GALNT5: variants seen among roughly 807,000 people sequenced by gnomAD.
The protein encoded by GALNT5 is UDP-GalNAc:polypeptide N-acetylgalactosaminyltransferase 5.
Under a neutral mutation model 85.4 loss-of-function variants are expected in GALNT5, and 72 were observed. The observed-to-expected ratio is 0.84, with a 90% confidence interval of 0.70 to 1.03. The LOEUF is 1.03. Ranked by LOEUF, GALNT5 falls within the 50% of genes least tolerant of loss-of-function variation. GALNT5 has a pLI of 0.00. For missense variants in GALNT5, 1,137 were observed against 1,135.5 expected (o/e 1.00, Z -0.02); for synonymous variants, 404 against 397.0 (o/e 1.02, Z -0.21).
At chr2:157,279,023 T>C (rs561790302) in intron 1 of GALNT5, among the ~76,000 whole-genome samples, 1 of 152,232 alleles carries the variant, frequency 6.6e-6, no homozygotes, top group Admixed American at 6.5e-5. Flanking sequence ...TTTTTGTTGA[T>C]GTTGATGCTA....
intron 1 of GALNT5, among the ~76,000 whole-genome samples, chr2:157,278,756 A>T (rs1197818393): frequency 6.6e-6 from 1 of 152,064 alleles, no homozygotes; most frequent in Non-Finnish European, 1.5e-5. Context: ...TGATGGGTTT[A>T]AACATGCTCC....
intron 1 of GALNT5, among the ~76,000 whole-genome samples, chr2:157,276,165 T>C (rs1558893459): frequency 6.6e-6 from 1 of 152,236 alleles, no homozygotes; most frequent in Non-Finnish European, 1.5e-5. Flanking sequence ...ATCCCAGGGA[T>C]GAAACCAACT....
chr2:157,290,103 A>ATG (rs1683065083), intron 3 of GALNT5, among the ~76,000 whole-genome samples: 1 of 145,504 alleles, frequency 6.9e-6, no homozygotes, highest in African/African-American at 2.7e-5. Flanking sequence ...ATATATATAT[A>ATG]TATATATATA....
Position 157,314,211 on chromosome 2 carries a change from T to TTAA in GALNT5, c.*2863_*2864insTAA, listed in dbSNP as rs1210174111. On this transcript the variant is annotated 3_prime_UTR_variant, in exon 10 of 10. Transcript: ENST00000259056. The stretch of plus-strand genomic sequence containing the variant: ...TTAGCTTAGGTCATTGCCTTTACTT[T>TTAA]AAAAAAAAAAAAAAAAAGTCTATGC... 7.7e-4 allele frequency: 105 copies of TTAA among 136,976 alleles called. No homozygotes were observed. Among genetic ancestry groups the TTAA allele is most frequent in the African/African-American group, 2.4e-3 (92 of 37,562 alleles). 8.5% of individuals were successfully genotyped at this position (136,976 alleles called of 1,614,324 possible).
At position 157,270,105 on chromosome 2, in the gene GALNT5, A is replaced by C. The variant is rs183819631; in HGVS notation, c.1454+10569A>C. Among the ~76,000 whole-genome samples the C allele has an allele frequency of 4.6e-5, 7 of 152,078 alleles. No homozygotes were observed. In the East Asian group the frequency reaches 7.7e-4, roughly 17 times the overall value. ...ACCCTCCCTTTCACTCAGGCTATTA[A>C]ACTCCCCTTAGCTTTACTTCCTCTT... On this transcript the variant is annotated intron_variant, in intron 1 of 9. Coordinates refer to ENST00000259056, the MANE Select transcript of GALNT5 (RefSeq NM_014568.3).
chr2:157,266,758 C>G (rs1034188673), intron 1 of GALNT5, among the ~76,000 whole-genome samples: 46 of 152,158 alleles, frequency 3.0e-4, no homozygotes, highest in African/African-American at 1.1e-3. Flanking sequence ...ATTTTTAATT[C>G]TAGTGTTCTT....
chr2:157,264,794 A>G lies in GALNT5; in HGVS notation c.1454+5258A>G, dbSNP rs763331809. On this transcript the variant is annotated intron_variant, in intron 1 of 9. Coordinates refer to ENST00000259056, the MANE Select transcript of GALNT5 (RefSeq NM_014568.3). ...ACAGAAGAGAGAAAATAAAGTGATC[A>G]GGTATCCTCCCAAACTTTGAGCTTC... 2.6e-5 allele frequency among the ~76,000 whole-genome samples: 4 copies of G among 152,168 alleles called. 1 individual carries two copies. Among genetic ancestry groups the G allele is most frequent in the Non-Finnish European group, 5.9e-5 (4 of 68,016 alleles).
Position 157,258,386 on chromosome 2 carries a change from G to C in GALNT5, c.304G>C (p.Glu102Gln). The C allele has an allele frequency of 1.9e-6, 3 of 1,611,622 alleles. No individual in the cohort carries two copies. Among genetic ancestry groups the C allele is most frequent in the Non-Finnish European group, 2.5e-6 (3 of 1,179,142 alleles). The stretch of plus-strand genomic sequence containing the variant: ...AACTGAGGAGAGTGTGCTCAAGGTT[G>C]AGGTGGACTTGGACCAAACCCAGAG... Reference protein sequence around the residue: ...RKTEESVLKVEVDLDQTQRER... With the variant: ...RKTEESVLKVQVDLDQTQRER... Residue 102 changes from glutamate (E) to glutamine (Q), a missense_variant, in exon 1 of 10, where the codon GAG becomes CAG. Physicochemically the swap from Glu to Gln is conservative, Grantham distance 29. Coordinates refer to ENST00000259056, the MANE Select transcript of GALNT5 (RefSeq NM_014568.3).
In GALNT5 at chr2:157,300,791, A is replaced by G; in HGVS notation, c.2231A>G (p.Asn744Ser). The change falls in exon 7 of 10, where the codon AAC becomes AGC. Residue 744 changes from asparagine to serine, a missense_variant. Transcript: ENST00000259056. Reference protein sequence around the residue: ...PKDRMKTVERNLVRVAEVWLD... With the variant: ...PKDRMKTVERSLVRVAEVWLD... ...GACCGGATGAAGACAGTGGAGCGGA[A>G]CTTGGTGCGGGTTGCCGAGGTCTGG... 1 of 1,614,102 alleles carries G rather than the reference A, an allele frequency of 6.2e-7. No homozygotes were observed. The highest frequency in any genetic ancestry group is 8.5e-7 in the Non-Finnish European group (1 of 1,179,984).
intron 7 of GALNT5, among the ~76,000 whole-genome samples, chr2:157,305,507 T>G (rs1683436471): frequency 6.6e-6 from 1 of 152,208 alleles, no homozygotes. Context: ...TAAAAGCTTC[T>G]GTGTGTTGGC....
At position 157,286,011 on chromosome 2, in the gene GALNT5, G is replaced by A. The variant is rs777112310; in HGVS notation, c.1622-4G>A. On this transcript the variant is annotated splice_region_variant and splice_polypyrimidine_tract_variant and intron_variant, in intron 2 of 9. Transcript: ENST00000259056. ...TTTCCTGGTTTATCTTTACTCTGAT[G>A]TAGACTATCTAAAAGATAATTTGGA... is the stretch of plus-strand genomic sequence containing the variant. 4 of 1,593,354 alleles carry A rather than the reference G, an allele frequency of 2.5e-6. No individual in the cohort carries two copies. Among genetic ancestry groups the A allele is most frequent in the Non-Finnish European group, 3.4e-6 (4 of 1,161,712 alleles).
At position 157,308,705 on chromosome 2, in the gene GALNT5, A is replaced by T; in HGVS notation, c.2659A>T (p.Thr887Ser). The change falls in exon 9 of 10, where the codon ACA becomes TCA. Residue 887 changes from threonine to serine, a missense_variant. By Grantham distance (58) the Thr-to-Ser change is moderately conservative. Coordinates refer to ENST00000259056, the MANE Select transcript of GALNT5 (RefSeq NM_014568.3). ...NKGLKWLHKS[T>S]SVFHPELVNH... ...AGGGCTAAAATGGCTGCATAAATCA[A>T]CATCAGTCTTTCATCCAGAACTGGT... 1.2e-6 allele frequency: 2 copies of T among 1,612,684 alleles called. No homozygotes were observed. The highest frequency in any genetic ancestry group is 1.7e-6 in the Non-Finnish European group (2 of 1,179,578).
chr2:157,282,991 G>A (rs116528077), intron 1 of GALNT5, among the ~76,000 whole-genome samples: 1,762 of 152,294 alleles, frequency 0.012, 34 homozygotes, highest in African/African-American at 0.04. Flanking sequence ...TATGGAATAA[G>A]TAAAGTATAA....
Position 157,259,282 on chromosome 2 carries a change from C to A in GALNT5, c.1200C>A (p.Ala400=), listed in dbSNP as rs1259216135. ...EPAKINITAK[A]PSTEYNQSHI... ...CAAAAATCAACATAACTGCCAAAGC[C>A]CCCTCTACAGAATACAACCAGAGTC... The change falls in exon 1 of 10, where the codon GCC becomes GCA. Residue 400 remains alanine (A), a synonymous_variant. Coordinates refer to ENST00000259056, the MANE Select transcript of GALNT5 (RefSeq NM_014568.3). 5.6e-6 allele frequency: 9 copies of A among 1,610,276 alleles called. No individual in the cohort carries two copies. Among genetic ancestry groups the A allele is most frequent in the Non-Finnish European group, 6.8e-6 (8 of 1,178,498 alleles).
chr2:157,269,077 T>A (rs561136732), intron 1 of GALNT5, among the ~76,000 whole-genome samples: 1 of 152,206 alleles, frequency 6.6e-6, no homozygotes, highest in African/African-American at 2.4e-5. Context: ...GCCAACTAGA[T>A]GACATAGTGT....
chr2:157,310,741 C>T (rs534466840), intron 9 of GALNT5, among the ~76,000 whole-genome samples: 1 of 152,214 alleles, frequency 6.6e-6, no homozygotes, highest in South Asian at 2.1e-4. Context: ...TATGAATTGT[C>T]AGAGATTATG....
Position 157,300,949 on chromosome 2 carries a change from G to A in GALNT5, c.2389G>A (p.Glu797Lys). The A allele has an allele frequency of 6.2e-7, 1 of 1,614,100 alleles. No homozygotes were observed. Among genetic ancestry groups the A allele is most frequent in the Non-Finnish European group, 8.5e-7 (1 of 1,179,978 alleles). Residue 797 changes from glutamate to lysine, a missense_variant, in exon 7 of 10, where the codon GAG becomes AAG. Coordinates refer to ENST00000259056, the MANE Select transcript of GALNT5 (RefSeq NM_014568.3). Reference protein sequence around the residue: ...LKCKSFKWYLENVFPDLRAPI... With the variant: ...LKCKSFKWYLKNVFPDLRAPI... Reference sequence around the variant, plus strand: ...GTGCAAAAGTTTCAAATGGTACTTGGAGAATGTCTTTCCTGACTTAAGGGC... The same window carrying A: ...GTGCAAAAGTTTCAAATGGTACTTGAAGAATGTCTTTCCTGACTTAAGGGC...
chr2:157,297,376 C>T (rs956692986), intron 5 of GALNT5, among the ~76,000 whole-genome samples: 1 of 152,170 alleles, frequency 6.6e-6, no homozygotes, highest in African/African-American at 2.4e-5. Flanking sequence ...AACTCTCTTC[C>T]TAACTCTAGG....
In GALNT5 at chr2:157,300,786, G is replaced by A; in HGVS notation, c.2226G>A (p.Glu742=). The change falls in exon 7 of 10, where the codon GAG becomes GAA. Residue 742 remains glutamate (E), a synonymous_variant. Coordinates refer to ENST00000259056, the MANE Select transcript of GALNT5 (RefSeq NM_014568.3). ...SFPKDRMKTV[E]RNLVRVAEVW... ...CCAAAGACCGGATGAAGACAGTGGA[G>A]CGGAACTTGGTGCGGGTTGCCGAGG... is the stretch of plus-strand genomic sequence containing the variant. 1 of 1,614,084 alleles carries A rather than the reference G, an allele frequency of 6.2e-7. No homozygotes were observed. The highest frequency in any genetic ancestry group is 1.1e-5 in the South Asian group (1 of 91,086).
Sources: allele counts gnomAD v4.1 joint callset (sites outside exome capture counted in the v4.1 genomes callset), GRCh38; gene constraint gnomAD v4.1.1; transcripts MANE v1.5; gene names NCBI Gene and HGNC (gene_info 2026-07-23, HGNC 2026-07-21).